RIC1: variants seen among roughly 807,000 people sequenced by gnomAD.
RIC1 encodes RIC1 partner of RAB6A GEF complex.
A neutral mutation model predicts 169.0 loss-of-function variants in RIC1; 88 were observed. The ratio of observed to expected loss-of-function variants is 0.52; its 90% confidence interval spans 0.44 to 0.62. RIC1 has a LOEUF of 0.62. RIC1 is among the 20% of genes least tolerant of loss of function. RIC1 has a pLI of 0.00. For synonymous variants in RIC1, 790 were observed against 601.5 expected, an observed-to-expected ratio of 1.31 and a Z score of -4.59; for missense variants, 1,877 against 1,725.5, an observed-to-expected ratio of 1.09 and a Z score of -1.56.
chr9:5,636,497 T>C (rs1332658228), intron 1 of RIC1, among the ~76,000 whole-genome samples: 2 of 152,072 alleles, frequency 1.3e-5, no homozygotes, highest in Non-Finnish European at 2.9e-5. Context: ...TTTTTGTATT[T>C]TTAGTAGAGA....
intron 14 of RIC1, 32 bp downstream of exon 14, chr9:5,753,678 C>T (rs1245316964): frequency 4.3e-6 from 5 of 1,158,164 alleles, no homozygotes; most frequent in Non-Finnish European, 6.4e-6. Flanking sequence ...AAACCTATTT[C>T]TCAAAGTATA....
chr9:5,656,970 T>C (rs1203229368), intron 2 of RIC1, among the ~76,000 whole-genome samples: 2 of 152,138 alleles, frequency 1.3e-5, no homozygotes, highest in African/African-American at 4.8e-5. Context: ...CCTTGAAGTC[T>C]AACTGCTTTA....
chr9:5,676,836 A>G (rs1030489968), intron 2 of RIC1, among the ~76,000 whole-genome samples: 1 of 152,164 alleles, frequency 6.6e-6, no homozygotes, highest in Non-Finnish European at 1.5e-5. Flanking sequence ...CTCTCAGCAT[A>G]TTTTGAGATT....
intron 11 of RIC1, among the ~76,000 whole-genome samples, chr9:5,746,675 A>T (rs189839359): frequency 6.6e-6 from 1 of 152,286 alleles, no homozygotes; most frequent in African/African-American, 2.4e-5. Flanking sequence ...TGCCTCTTGT[A>T]TTTCTATCTG....
chr9:5,693,213 A>G (rs1420612513), intron 3 of RIC1, among the ~76,000 whole-genome samples: 3 of 152,094 alleles, frequency 2.0e-5, no homozygotes, highest in African/African-American at 4.8e-5. Flanking sequence ...TAGAAATACT[A>G]TTGTCTCTCG....
At chr9:5,714,090 T>A (rs75784670) in intron 4 of RIC1, 87 bp downstream of exon 4, 2 of 720,332 alleles carry the variant, frequency 2.8e-6, no homozygotes, top group Non-Finnish European at 4.5e-6. Context: ...AAAGTTAGTT[T>A]AATTTCTTTT....
In RIC1 at chr9:5,772,964, A is replaced by G. The variant is rs768230515; in HGVS notation, c.3867A>G (p.Glu1289=). The G allele has an allele frequency of 1.2e-6, 2 of 1,613,590 alleles. No homozygotes were observed. The highest frequency in any genetic ancestry group is 1.1e-5 in the South Asian group (1 of 91,058). ...WCIVIGLILR[E]SSIINQILVI... is the part of the protein sequence containing the mutation. ...TCGTTATAGGCCTGATTCTTAGAGAATCCTCAATAATCAATCAGATTTTGG... is the reference window on the plus strand; with the variant it reads ...TCGTTATAGGCCTGATTCTTAGAGAGTCCTCAATAATCAATCAGATTTTGG... Residue 1289 remains glutamate (E), a synonymous_variant, in exon 25 of 26, where the codon GAA becomes GAG. Transcript: ENST00000414202.
At chr9:5,669,093 A>T (rs1017065086) in intron 2 of RIC1, among the ~76,000 whole-genome samples, 4 of 152,076 alleles carry the variant, frequency 2.6e-5, no homozygotes, top group Non-Finnish European at 5.9e-5. Context: ...TGATTTTTTG[A>T]AACTCTTTTT....
chr9:5,757,323 A>T lies in RIC1; in HGVS notation c.1864A>T (p.Thr622Ser), dbSNP rs556148575. 2 of 1,613,884 alleles carry T rather than the reference A, an allele frequency of 1.2e-6. No individual in the cohort carries two copies. Among genetic ancestry groups the T allele is most frequent in the East Asian group, 4.5e-5 (2 of 44,882 alleles). The change falls in exon 17 of 26, where the codon ACT becomes TCT. Residue 622 changes from threonine (T) to serine (S), a missense_variant. Physicochemically the swap from Thr to Ser is moderately conservative, Grantham distance 58. This residue lies in a region of RIC1 where 1,104 missense variants were observed against 992.0 expected (regional missense o/e 1.11). Coordinates refer to ENST00000414202, the MANE Select transcript of RIC1 (RefSeq NM_020829.4). ...IERKSDGPNT[T>S]AGIQVLQEVS... ...CTTTTGTTTTTACAGTCCAAATACT[A>T]CTGCTGGTATTCAAGTTCTTCAGGA...
intron 2 of RIC1, among the ~76,000 whole-genome samples, chr9:5,682,627 A>G (rs926288377): frequency 2.0e-5 from 3 of 151,940 alleles, no homozygotes; most frequent in African/African-American, 7.3e-5. Context: ...GAATCTGACA[A>G]TTATGTGTCT....
chr9:5,731,736 A>T (rs1278587494), intron 6 of RIC1, among the ~76,000 whole-genome samples: 1 of 152,182 alleles, frequency 6.6e-6, no homozygotes, highest in Non-Finnish European at 1.5e-5. Flanking sequence ...AATGGTAGGC[A>T]TTGTCCTAAA....
At chr9:5,738,732 T>C (rs1824890928) in intron 8 of RIC1, among the ~76,000 whole-genome samples, 194 bp downstream of exon 8, 1 of 152,094 alleles carries the variant, frequency 6.6e-6, no homozygotes, top group African/African-American at 2.4e-5. Flanking sequence ...TTCAAATTAG[T>C]ATTTTGTCCA....
At chr9:5,630,593 G>C (rs190189409) in intron 1 of RIC1, among the ~76,000 whole-genome samples, 1 of 152,254 alleles carries the variant, frequency 6.6e-6, no homozygotes, top group Admixed American at 6.5e-5. Context: ...TGTCTCCTTT[G>C]ACTGTCATAG....
intron 2 of RIC1, among the ~76,000 whole-genome samples, chr9:5,677,997 C>T (rs563440203): frequency 5.5e-4 from 83 of 152,116 alleles, no homozygotes; most frequent in Non-Finnish European, 9.4e-4. Flanking sequence ...TCCCTCCCCC[C>T]TGCCCCCACC....
intron 1 of RIC1, among the ~76,000 whole-genome samples, chr9:5,639,716 G>A (rs773182955): frequency 1.6e-4 from 25 of 152,178 alleles, no homozygotes; most frequent in Admixed American, 7.9e-4. Flanking sequence ...TTGAGGTCTA[G>A]CTCTCTCTTT....
In RIC1 at chr9:5,763,203, G is replaced by A. The variant is rs1780325189; in HGVS notation, c.2176G>A (p.Ala726Thr). The change falls in exon 19 of 26, where the codon GCA (alanine) becomes ACA (threonine). Residue 726 changes from alanine to threonine, a missense_variant. This residue lies in a region of RIC1 where 1,104 missense variants were observed against 992.0 expected (regional missense o/e 1.11). Transcript: ENST00000414202. This position sits in a 1 kb window ranked among gnomAD's most constrained non-coding sequence, Gnocchi z 5.2. The stretch of plus-strand genomic sequence containing the variant: ...TGAAAATGTCTGGACAACGTGTCGA[G>A]CAAATAAACAGAAACGTCACCTTCT... ...SVENVWTTCR[A>T]NKQKRHLLEA... 1 of 1,613,942 alleles carries A rather than the reference G, an allele frequency of 6.2e-7. No homozygotes were observed. The highest frequency in any genetic ancestry group is 1.3e-5 in the African/African-American group (1 of 74,906).
In RIC1 at chr9:5,743,013, C is replaced by A. The variant is rs775662535; in HGVS notation, c.1046C>A (p.Ala349Asp). The change falls in exon 9 of 26, where the codon GCT becomes GAT. Residue 349 changes from alanine to aspartate, a missense_variant and splice_region_variant. By Grantham distance (126) the Ala-to-Asp change is moderately radical. Around this residue, in one of 3 missense-constraint regions of RIC1, gnomAD observed 1,104 missense variants for 992.0 expected, o/e 1.11. Coordinates refer to ENST00000414202, the MANE Select transcript of RIC1 (RefSeq NM_020829.4). ...ATTTGTACACTTGGAGGAGATTTTG[C>A]GTAAGTCAAAAAAGACAATTTTTAG... ...QLICTLGGDF[A>D]YRSDGTKKDP... is the part of the protein sequence containing the mutation. 3 of 1,600,958 alleles carry A rather than the reference C, an allele frequency of 1.9e-6. No homozygotes were observed. The highest frequency in any genetic ancestry group is 4.5e-5 in the East Asian group (2 of 44,742).
chr9:5,688,608 T>C (rs1173472030), intron 2 of RIC1, among the ~76,000 whole-genome samples: 1 of 152,202 alleles, frequency 6.6e-6, no homozygotes, highest in Admixed American at 6.5e-5. Context: ...CCTTTTGTTT[T>C]TGTATCTTAC....
At chr9:5,683,849 C>T (rs977742985) in intron 2 of RIC1, among the ~76,000 whole-genome samples, 4 of 151,390 alleles carry the variant, frequency 2.6e-5, no homozygotes, top group East Asian at 1.9e-4. Context: ...GAATGGCGGG[C>T]GCCCCTCCCC....
Sources: allele counts gnomAD v4.1 joint callset (sites outside exome capture counted in the v4.1 genomes callset), GRCh38; gene constraint gnomAD v4.1.1; regional missense constraint gnomAD v4.1.1; non-coding constraint Gnocchi (gnomAD v3.1); transcripts MANE v1.5; gene names NCBI Gene and HGNC (gene_info 2026-07-23, HGNC 2026-07-21).